CDR2: variants seen among roughly 807,000 people sequenced by gnomAD.
The protein encoded by CDR2 is cerebellar degeneration related protein 2, also known as cerebellar degeneration-related protein 2.
CDR2 carries 34 observed loss-of-function variants against 48.4 expected under a neutral mutation model. The ratio of observed to expected loss-of-function variants is 0.70; its 90% CI spans 0.53 to 0.94. CDR2 has a LOEUF of 0.94. Ranked by LOEUF, CDR2 falls within the 40% of genes least tolerant of loss-of-function variation. The pLI is 0.00. For missense variants in CDR2, 498 were observed against 549.5 expected, an observed-to-expected ratio of 0.91 and a Z score of 0.94; for synonymous variants, 240 against 219.7, an observed-to-expected ratio of 1.09 and a Z score of -0.82.
At chr16:22,353,660 C>T (rs1398171404) in intron 2 of CDR2, among the ~76,000 whole-genome samples, 1 of 152,202 alleles carries the variant, frequency 6.6e-6, no homozygotes, top group East Asian at 1.9e-4. Flanking sequence ...TCACCACTTA[C>T]TTGCCTTCCC....
chr16:22,357,591 CT>C (rs2048983731), intron 2 of CDR2, among the ~76,000 whole-genome samples: 1 of 152,348 alleles, frequency 6.6e-6, no homozygotes, highest in Admixed American at 6.5e-5. Flanking sequence ...TCTCTCCCCG[CT>C]TTTCCATTTA....
In CDR2 at chr16:22,347,100, T is replaced by C. The variant is rs1447117072; in HGVS notation, c.1230A>G (p.Pro410=). The part of the protein sequence containing the change: ...ASGWELASVN[P]EPVSSPTTPP... ...GTGTTGTAGGGGAACTCACGGGCTC[T>C]GGGTTGACAGAGGCCAGTTCCCAGC... Residue 410 remains proline, a synonymous_variant, in exon 5 of 5, where the codon CCA becomes CCG. Transcript: ENST00000268383. 6.2e-6 allele frequency: 10 copies of C among 1,614,100 alleles called. No individual in the cohort carries two copies. The highest frequency in any genetic ancestry group is 1.1e-5 in the South Asian group (1 of 91,092).
Position 22,347,559 on chromosome 16 carries a change from C to T in CDR2, c.771G>A (p.Met257Ile). The T allele has an allele frequency of 1.2e-6, 2 of 1,614,144 alleles. No homozygotes were observed. The highest frequency in any genetic ancestry group is 8.5e-7 in the Non-Finnish European group (1 of 1,180,044). Reference protein sequence around the residue: ...ALELEAEVAEMRQMLQSEHPF... With the variant: ...ALELEAEVAEIRQMLQSEHPF... The stretch of plus-strand genomic sequence containing the variant: ...GATGCTCTGACTGCAACATCTGTCG[C>T]ATCTCTGCCACCTCGGCCTCTAGTT... Residue 257 changes from methionine (M) to isoleucine (I), a missense_variant, in exon 5 of 5, where the codon ATG becomes ATA. Coordinates refer to ENST00000268383, the MANE Select transcript of CDR2 (RefSeq NM_001802.2).
chr16:22,365,021 C>G lies in CDR2; in HGVS notation c.80-7G>C. 14 of 1,545,578 alleles carry G rather than the reference C, an allele frequency of 9.1e-6. No homozygotes were observed. The highest frequency in any genetic ancestry group is 1.3e-5 in the Non-Finnish European group (14 of 1,117,846). Reference sequence around the variant, plus strand: ...TCAGCAGCAAGTTGAAGATCTAGCACAACAAATGAATCTTAGAATAATACA... The same window carrying G: ...TCAGCAGCAAGTTGAAGATCTAGCAGAACAAATGAATCTTAGAATAATACA... On this transcript the variant is annotated splice_region_variant and splice_polypyrimidine_tract_variant and intron_variant, in intron 1 of 4. Coordinates refer to ENST00000268383, the MANE Select transcript of CDR2 (RefSeq NM_001802.2).
At chr16:22,372,481 C>T (rs960697836) in intron 1 of CDR2, among the ~76,000 whole-genome samples, 1 of 152,290 alleles carries the variant, frequency 6.6e-6, no homozygotes, top group East Asian at 1.9e-4. Flanking sequence ...AGAACCTGCC[C>T]CCTCTATGCC....
At chr16:22,370,052 T>G (rs1451541366) in intron 1 of CDR2, among the ~76,000 whole-genome samples, 1 of 152,210 alleles carries the variant, frequency 6.6e-6, no homozygotes, top group East Asian at 1.9e-4. Flanking sequence ...CTTTCACTAA[T>G]GAGTCTTTGC....
intron 4 of CDR2, among the ~76,000 whole-genome samples, chr16:22,348,922 T>C (rs1465554634): frequency 1.3e-5 from 2 of 152,224 alleles, no homozygotes; most frequent in African/African-American, 4.8e-5. Flanking sequence ...ATTATAAAGG[T>C]ACTTCTTTAA....
In CDR2 at chr16:22,374,136, C is replaced by T. The variant is rs1468662022; in HGVS notation, c.79+95G>A. The T allele has an allele frequency of 5.1e-6, 4 of 785,416 alleles. No homozygotes were observed. The African/African-American group carries it at 7.4e-5, about 15-fold the overall frequency. 48.7% of individuals were successfully genotyped at this position (785,416 alleles called of 1,614,324 possible). On this transcript the variant is annotated intron_variant, in intron 1 of 4. Transcript: ENST00000268383. The stretch of plus-strand genomic sequence containing the variant: ...CCTGAGCCCTTCCCGGCACCTGCAT[C>T]CTCCGCCGCCACAAAAAGCAACTTT...
In CDR2 at chr16:22,364,931, T is replaced by C. The variant is rs2049035331; in HGVS notation, c.163A>G (p.Thr55Ala). The change falls in exon 2 of 5, where the codon ACC becomes GCC. Residue 55 changes from threonine (T) to alanine (A), a missense_variant. By Grantham distance (58) the Thr-to-Ala change is moderately conservative. Coordinates refer to ENST00000268383, the MANE Select transcript of CDR2 (RefSeq NM_001802.2). ...ATTTCCTGTAACTGCTCCTGATTGG[T>C]TGTATACATCTGCTGAACAGAGTCC... The part of the protein sequence containing the change: ...LEDSVQQMYT[T>A]NQEQLQEIEY... The C allele has an allele frequency of 1.2e-6, 2 of 1,611,746 alleles. No individual in the cohort carries two copies. The highest frequency in any genetic ancestry group is 1.7e-6 in the Non-Finnish European group (2 of 1,177,946).
rs923963161 is a variant in CDR2 at position 22,349,610 on chromosome 16, T to C, written c.341+91A>G. On this transcript the variant is annotated intron_variant, in intron 3 of 4. Transcript: ENST00000268383. ...GAATTAAATTAAACCTTATCCCATA[T>C]TGACCCAAACCCACTGCAGCCATGT... The C allele has an allele frequency of 1.9e-5, 28 of 1,453,290 alleles. No individual in the cohort carries two copies. The African/African-American group carries it at 2.3e-4, about 12-fold the overall frequency. 90.0% of individuals were successfully genotyped at this position (1,453,290 alleles called of 1,614,324 possible). A position where few individuals can be genotyped will look rare whatever the true frequency, so the allele number is the denominator to read the frequency against.
intron 2 of CDR2, among the ~76,000 whole-genome samples, chr16:22,362,971 G>A (rs1020033205): frequency 1.1e-5 from 1 of 95,096 alleles, no homozygotes; most frequent in Non-Finnish European, 2.1e-5. Context: ...TTTTTTTTTT[G>A]AGATGGAGTC....
At chr16:22,367,936 T>C (rs2049053463) in intron 1 of CDR2, among the ~76,000 whole-genome samples, 1 of 152,192 alleles carries the variant, frequency 6.6e-6, no homozygotes, top group South Asian at 2.1e-4. Context: ...ATTAAGACTT[T>C]AGAGGCCAGG....
chr16:22,349,926 C>T (rs2048931411), intron 2 of CDR2, 77 bp from the exon 3 acceptor site: 17 of 1,385,036 alleles, frequency 1.2e-5, no homozygotes, highest in Admixed American at 5.3e-5. Flanking sequence ...CGGTGGCTCA[C>T]GCCTGTAATC....
At chr16:22,372,851 A>T (rs968262108) in intron 1 of CDR2, among the ~76,000 whole-genome samples, 6 of 152,216 alleles carry the variant, frequency 3.9e-5, no homozygotes, top group African/African-American at 1.2e-4. Flanking sequence ...TTTCTGAGTT[A>T]TTCAGGTCTA....
chr16:22,347,567 C>T lies in CDR2; in HGVS notation c.763G>A (p.Ala255Thr). 1 of 1,614,138 alleles carries T rather than the reference C, an allele frequency of 6.2e-7. No homozygotes were observed. Among genetic ancestry groups the T allele is most frequent in the Non-Finnish European group, 8.5e-7 (1 of 1,180,042 alleles). Residue 255 changes from alanine to threonine, a missense_variant, in exon 5 of 5, where the codon GCA (alanine) becomes ACA (threonine). Physicochemically the swap from Ala to Thr is moderately conservative, Grantham distance 58. Coordinates refer to ENST00000268383, the MANE Select transcript of CDR2 (RefSeq NM_001802.2). ...GACTGCAACATCTGTCGCATCTCTG[C>T]CACCTCGGCCTCTAGTTCCAGCGCC... ...ARALELEAEVAEMRQMLQSEH... is the reference protein window; with the variant it reads ...ARALELEAEVTEMRQMLQSEH...
At chr16:22,372,750 T>A (rs777059089) in intron 1 of CDR2, among the ~76,000 whole-genome samples, 19 of 152,180 alleles carry the variant, frequency 1.2e-4, no homozygotes, top group Non-Finnish European at 2.8e-4. Context: ...ACTCTGTAAG[T>A]GTAATAAAGG....
intron 2 of CDR2, among the ~76,000 whole-genome samples, chr16:22,352,724 G>A (rs914655534): frequency 1.3e-5 from 2 of 152,098 alleles, no homozygotes; most frequent in Non-Finnish European, 2.9e-5. Context: ...TTTTGAGTTC[G>A]GAATTAGTAA....
Position 22,347,366 on chromosome 16 carries a change from C to T in CDR2, c.964G>A (p.Asp322Asn). 6.2e-7 allele frequency: 1 copy of T among 1,614,214 alleles called. No homozygotes were observed. The highest frequency in any genetic ancestry group is 8.5e-7 in the Non-Finnish European group (1 of 1,180,038). The change falls in exon 5 of 5, where the codon GAC (aspartate) becomes AAC (asparagine). Residue 322 changes from aspartate to asparagine, a missense_variant. Asp to Asn is a conservative substitution (Grantham distance 23). Transcript: ENST00000268383. Reference sequence around the variant, plus strand: ...GTCTCCTCGTGGCCCTTCACGATGTCACTCCCTGCCAAGCTGCTGAGGATC... The same window carrying T: ...GTCTCCTCGTGGCCCTTCACGATGTTACTCCCTGCCAAGCTGCTGAGGATC... ...ETILSSLAGS[D>N]IVKGHEETCI...
Position 22,346,869 on chromosome 16 carries a change from G to T in CDR2, c.*96C>A. ...AGCAAAGCAATGAGGCAAACGTCAT[G>T]AGTAACATTAGGCTTCAGAGTCTAC... is the stretch of plus-strand genomic sequence containing the variant. On this transcript the variant is annotated 3_prime_UTR_variant, in exon 5 of 5. Coordinates refer to ENST00000268383, the MANE Select transcript of CDR2 (RefSeq NM_001802.2). 2 of 1,329,872 alleles carry T rather than the reference G, an allele frequency of 1.5e-6. No homozygotes were observed. Among genetic ancestry groups the T allele is most frequent in the Non-Finnish European group, 2.1e-6 (2 of 959,254 alleles). 82.4% of individuals were successfully genotyped at this position (1,329,872 alleles called of 1,614,324 possible).
Sources: gnomAD v4.1 joint callset for allele counts (sites outside exome capture counted in the v4.1 genomes callset) on GRCh38, gnomAD v4.1.1 for gene constraint, MANE v1.5 for transcripts, NCBI Gene and HGNC (gene_info 2026-07-23, HGNC 2026-07-21) for gene names.